Variants in PIGS observed in about 807,000 individuals in gnomAD.
The protein encoded by PIGS is phosphatidylinositol glycan anchor biosynthesis class S, also known as GPI-anchor transamidase component PIGS.
In PIGS, 37 loss-of-function variants were observed where a neutral mutation model predicts 58.2. The observed-to-expected ratio is 0.64, with a 90% CI of 0.49 to 0.84. The LOEUF is 0.84. Among genes scored for constraint, PIGS ranks in the 40% least tolerant of loss-of-function variants. PIGS has a pLI of 0.00. For synonymous variants in PIGS, 269 were observed against 289.2 expected, an observed-to-expected ratio of 0.93 and a Z score of 0.71; for missense variants, 629 against 710.8, an observed-to-expected ratio of 0.88 and a Z score of 1.31.
chr17:28,561,714 C>A, intron 5 of PIGS, 85 bp from the exon 6 acceptor site: 1 of 1,386,818 alleles, frequency 7.2e-7, no homozygotes, highest in Non-Finnish European at 9.8e-7. Flanking sequence ...TCCGAATCTG[C>A]CCCTTTGCCA....
chr17:28,567,056 T>G (rs760595501), intron 3 of PIGS, among the ~76,000 whole-genome samples: 1 of 152,170 alleles, frequency 6.6e-6, no homozygotes, highest in South Asian at 2.1e-4. Context: ...AAGCATTATC[T>G]TGTGACTGCT....
chr17:28,556,728 A>G (rs1333783695), intron 9 of PIGS, 99 bp downstream of exon 9: 5 of 1,461,366 alleles, frequency 3.4e-6, no homozygotes, highest in Non-Finnish European at 4.6e-6. Context: ...AGGCTGGGCC[A>G]TGGAGGACAC....
rs746221883 is a variant in PIGS, at chr17:28,571,471, G to A, written c.26C>T (p.Thr9Ile). 6.2e-6 allele frequency: 10 copies of A among 1,609,706 alleles called. No individual in the cohort carries two copies. Among genetic ancestry groups the A allele is most frequent in the Admixed American group, 5.0e-5 (3 of 59,730 alleles). The stretch of plus-strand genomic sequence containing the variant: ...CCCGAAGCCCACCGCACCTAGGTGT[G>A]TAGCCGCAGCCCCGGCGGCCGCCAT... MAAAGAAATHLEVARGKRA... is the reference protein window; with the variant it reads MAAAGAAAIHLEVARGKRA... The change falls in exon 1 of 12, where the codon ACA becomes ATA. Residue 9 changes from threonine to isoleucine, a missense_variant. Transcript: ENST00000308360.
At chr17:28,557,096 A>G in intron 8 of PIGS, 124 bp from the exon 9 acceptor site, 2 of 1,038,830 alleles carry the variant, frequency 1.9e-6, no homozygotes, top group Admixed American at 4.7e-5. Context: ...TCATTAGGAT[A>G]TCCTCCTGTC....
chr17:28,568,463 G>T (rs940859165), intron 3 of PIGS, among the ~76,000 whole-genome samples: 2 of 152,070 alleles, frequency 1.3e-5, no homozygotes, highest in Non-Finnish European at 2.9e-5. Flanking sequence ...CTAGTAACTA[G>T]AACTGTATCT....
intron 3 of PIGS, among the ~76,000 whole-genome samples, chr17:28,566,583 G>C (rs924274131): frequency 6.7e-6 from 1 of 148,736 alleles, no homozygotes; most frequent in Admixed American, 6.7e-5. Context: ...GAGCCACCGC[G>C]CCCAGCCTAC....
At chr17:28,563,317 A>C in intron 5 of PIGS, 114 bp downstream of exon 5, 1 of 928,290 alleles carries the variant, frequency 1.1e-6, no homozygotes, top group Non-Finnish European at 1.7e-6. Flanking sequence ...TTTTTTTTGG[A>C]GAGTTTTCTG....
intron 6 of PIGS, 125 bp from the exon 7 acceptor site, chr17:28,560,316 AAAAG>A: frequency 2.5e-6 from 3 of 1,214,270 alleles, no homozygotes; most frequent in Non-Finnish European, 3.4e-6. Flanking sequence ...TCATGGAACC[AAAAG>A]GAGGACAAAA....
rs777747413 is a variant in PIGS, at chr17:28,570,843, G to A, written c.286+9C>T. 3.1e-6 allele frequency: 5 copies of A among 1,613,986 alleles called. No homozygotes were observed. The highest frequency in any genetic ancestry group is 3.3e-5 in the Admixed American group (2 of 60,032). ...AGGCGAAAAGCAGCCCTGATCCCCA[G>A]TAACTCACATTTCAGAGGAATCTCT... On this transcript the variant is annotated intron_variant, in intron 3 of 11. Coordinates refer to ENST00000308360, the MANE Select transcript of PIGS (RefSeq NM_033198.4).
Position 28,563,476 on chromosome 17 carries a change from G to A in PIGS, c.423C>T (p.Ser141=). Residue 141 remains serine, a synonymous_variant, in exon 5 of 12, where the codon TCC becomes TCT. Coordinates refer to ENST00000308360, the MANE Select transcript of PIGS (RefSeq NM_033198.4). The part of the protein sequence containing the change: ...LDEPQEQAEG[S]LTVYVISEHS... ...GTTCAGATATCACGTACACAGTCAG[G>A]GAGCCCTCCGCTTGTTCCTGAGGCT... 6.2e-7 allele frequency: 1 copy of A among 1,614,048 alleles called. No individual in the cohort carries two copies. Among genetic ancestry groups the A allele is most frequent in the Non-Finnish European group, 8.5e-7 (1 of 1,180,018 alleles).
intron 3 of PIGS, among the ~76,000 whole-genome samples, chr17:28,565,858 C>G (rs147629816): frequency 1.6e-3 from 249 of 152,144 alleles, no homozygotes; most frequent in African/African-American, 5.7e-3. Context: ...GGTGAAACCC[C>G]GTTTCTACTA....
At position 28,560,200 on chromosome 17, in the gene PIGS, A is replaced by G. The variant is rs760149999; in HGVS notation, c.677-9T>C. The G allele has an allele frequency of 6.2e-7, 1 of 1,609,520 alleles. No individual in the cohort carries two copies. The highest frequency in any genetic ancestry group is 8.5e-7 in the Non-Finnish European group (1 of 1,178,326). On this transcript the variant is annotated splice_polypyrimidine_tract_variant and intron_variant, in intron 6 of 11. Transcript: ENST00000308360. ...GAAGGTGATCTCATAGCCTACAGAA[A>G]CAGGAGTCAGGGAAGTCAGAGGCTC... is the stretch of plus-strand genomic sequence containing the variant.
In PIGS at chr17:28,558,522, G is replaced by A; in HGVS notation, c.888C>T (p.Asp296=). The A allele has an allele frequency of 1.2e-6, 2 of 1,613,386 alleles. No homozygotes were observed. The highest frequency in any genetic ancestry group is 1.7e-6 in the Non-Finnish European group (2 of 1,179,816). The change falls in exon 8 of 12, where the codon GAC becomes GAT. Residue 296 remains aspartate, a synonymous_variant. Coordinates refer to ENST00000308360, the MANE Select transcript of PIGS (RefSeq NM_033198.4). ...FDSASSSYYL[D]MHSLPHVINP... is the part of the protein sequence containing the mutation. ...TGATGACATGGGGGAGGCTGTGCAT[G>A]TCCAAATAGTAGCTGGAGGAAGCTG...
At chr17:28,565,002 T>C (rs2070386570) in intron 3 of PIGS, among the ~76,000 whole-genome samples, 1 of 152,208 alleles carries the variant, frequency 6.6e-6, no homozygotes, top group Non-Finnish European at 1.5e-5. Context: ...AGTATTGTTC[T>C]TTCTAAAGTT....
At chr17:28,554,702 TG>T in intron 11 of PIGS, 148 bp downstream of exon 11, 1 of 1,211,546 alleles carries the variant, frequency 8.3e-7, no homozygotes, top group Non-Finnish European at 1.2e-6. Flanking sequence ...GCTTGGGGGC[TG>T]GTACTGCCGT....
chr17:28,557,113 G>T, intron 8 of PIGS, 141 bp from the exon 9 acceptor site: 1 of 887,504 alleles, frequency 1.1e-6, no homozygotes. Flanking sequence ...TGTCCAGGGT[G>T]TCTCTAGTAA....
chr17:28,566,701 C>T (rs920638411), intron 3 of PIGS, among the ~76,000 whole-genome samples: 1 of 151,412 alleles, frequency 6.6e-6, no homozygotes, highest in Non-Finnish European at 1.5e-5. Flanking sequence ...TCAAGCAATT[C>T]TCCTGTCTTG....
intron 6 of PIGS, 52 bp from the exon 7 acceptor site, chr17:28,560,243 G>A (rs1220910974): frequency 1.3e-6 from 2 of 1,569,294 alleles, no homozygotes; most frequent in East Asian, 2.3e-5. Context: ...TCAAAGAAGA[G>A]GGGCAGCCTG....
rs1405437323 is a variant in PIGS at position 28,554,707 on chromosome 17, C to T, written c.1392+144G>A. On this transcript the variant is annotated intron_variant, in intron 11 of 11. Transcript: ENST00000308360. ...CTGCACTCCTGCTTGGGGGCTGGTACTGCCGTCTAGAGGAAGGCTGGGACA... is the reference window on the plus strand; with the variant it reads ...CTGCACTCCTGCTTGGGGGCTGGTATTGCCGTCTAGAGGAAGGCTGGGACA... The T allele has an allele frequency of 4.0e-6, 5 of 1,243,948 alleles. No homozygotes were observed. In the South Asian group the frequency reaches 6.3e-5, roughly 16 times the overall value. 77.1% of individuals were successfully genotyped at this position (1,243,948 alleles called of 1,614,324 possible).
Sources: gnomAD v4.1 joint callset for allele counts (sites outside exome capture counted in the v4.1 genomes callset) on GRCh38, gnomAD v4.1.1 for gene constraint, MANE v1.5 for transcripts, NCBI Gene and HGNC (gene_info 2026-07-23, HGNC 2026-07-21) for gene names.